ZFR: variants seen among roughly 807,000 people sequenced by gnomAD.
The protein encoded by ZFR is zinc finger RNA binding protein.
ZFR carries 19 observed loss-of-function variants against 130.7 expected under a neutral mutation model. That is an observed-to-expected ratio of 0.15 (90% CI 0.10 to 0.21). The LOEUF (loss-of-function observed/expected upper bound fraction) is 0.21. Ranked by LOEUF, ZFR falls within the 10% of genes least tolerant of loss-of-function variation. The pLI is 1.00. For missense variants in ZFR, 872 were observed against 1,321.5 expected (o/e 0.66, Z 5.27); for synonymous variants, 466 against 456.9 (o/e 1.02, Z -0.25).
At chr5:32,365,066 T>C (rs753211957) in intron 17 of ZFR, 5 of 152,210 alleles carry the variant, frequency 3.3e-5, no homozygotes, top group Non-Finnish European at 7.3e-5. Context: ...TTGCCTACTA[T>C]GGACGTTTTA....
intron 3 of ZFR, among the ~76,000 whole-genome samples, chr5:32,418,095 C>T (rs914544406): frequency 1.3e-5 from 2 of 151,916 alleles, no homozygotes; most frequent in Non-Finnish European, 2.9e-5. Flanking sequence ...CCCGTCTCTA[C>T]TAAAAATACA....
chr5:32,413,417 C>A (rs1197794923), intron 5 of ZFR, among the ~76,000 whole-genome samples: 1 of 152,054 alleles, frequency 6.6e-6, no homozygotes, highest in African/African-American at 2.4e-5. Context: ...GAAAAGTAGA[C>A]AGAGACGTGC....
intron 17 of ZFR, among the ~76,000 whole-genome samples, chr5:32,367,398 G>T (rs1269788933): frequency 6.6e-6 from 1 of 151,942 alleles, no homozygotes; most frequent in African/African-American, 2.4e-5. Flanking sequence ...TCACGCCACT[G>T]CACTCCAGCC....
Position 32,364,010 on chromosome 5 carries a change from G to C in ZFR, c.2983C>G (p.Pro995Ala). ...PGLLDPCEKD[P>A]FDTLATMTDQ... Reference sequence around the variant, plus strand: ...GTCATTGTTGCCAAGGTATCAAAGGGATCCTTTTCACAAGGATCCAGAAGT... The same window carrying C: ...GTCATTGTTGCCAAGGTATCAAAGGCATCCTTTTCACAAGGATCCAGAAGT... The change falls in exon 19 of 20, where the codon CCC (proline) becomes GCC (alanine). Residue 995 changes from proline to alanine, a missense_variant. Around this residue, in one of 7 missense-constraint regions of ZFR, gnomAD observed 158 missense variants for 264.0 expected, o/e 0.60. Transcript: ENST00000265069. 6.2e-7 allele frequency: 1 copy of C among 1,614,050 alleles called. No individual in the cohort carries two copies.
chr5:32,420,221 G>A (rs1581709519), intron 2 of ZFR, 118 bp from the exon 3 acceptor site: 22 of 1,201,772 alleles, frequency 1.8e-5, no homozygotes, highest in Admixed American at 6.5e-5. Flanking sequence ...ATTTAATGAC[G>A]GACCACAAAA....
chr5:32,434,215 A>G (rs1754283654), intron 2 of ZFR, among the ~76,000 whole-genome samples: 1 of 152,246 alleles, frequency 6.6e-6, no homozygotes, highest in Non-Finnish European at 1.5e-5. Flanking sequence ...TTCCTTTTTA[A>G]TCCTTAGAAA....
Position 32,419,925 on chromosome 5 carries a change from AAGC to A in ZFR, c.313_315del (p.Ala105del), listed in dbSNP as rs746652041. 5.0e-6 allele frequency: 8 copies of A among 1,613,924 alleles called. No homozygotes were observed. Among genetic ancestry groups the A allele is most frequent in the Middle Eastern group, 1.7e-4 (1 of 6,026 alleles). ...GTGTGTGCAGTGGGGTAGCCTCCAT[AAGC>A]AGCAGCTGTTGCAGCAGCTGCAACA... On this transcript the variant is annotated inframe_deletion, in exon 3 of 20. Transcript: ENST00000265069.
intron 17 of ZFR, among the ~76,000 whole-genome samples, chr5:32,371,011 T>C (rs1283009863): frequency 2.6e-5 from 4 of 152,202 alleles, no homozygotes; most frequent in Non-Finnish European, 5.9e-5. Context: ...GAAAAAAAGT[T>C]ACTCCTGTTT....
chr5:32,395,365 T>C, intron 10 of ZFR, 61 bp from the exon 11 acceptor site: 1 of 1,302,428 alleles, frequency 7.7e-7, no homozygotes, highest in Non-Finnish European at 1.0e-6. Context: ...CATGTATTTT[T>C]AATCATACAA....
Position 32,378,441 on chromosome 5 carries a change from C to T in ZFR, c.2835+674G>A, listed in dbSNP as rs1460397091. ...AAAAAAAAGAACTAAGGTAATCTTG[C>T]CTATTAACTCTCATTAATTAAACTC... On this transcript the variant is annotated intron_variant, in intron 17 of 19. Transcript: ENST00000265069. Among the ~76,000 whole-genome samples the T allele has an allele frequency of 2.6e-5, 4 of 152,148 alleles. No individual in the cohort carries two copies. In the East Asian group the frequency reaches 7.7e-4, roughly 29 times the overall value.
chr5:32,390,245 A>G, intron 12 of ZFR, 30 bp downstream of exon 12: 1 of 1,592,968 alleles, frequency 6.3e-7, no homozygotes, highest in Non-Finnish European at 8.6e-7. Context: ...TCAAACTTTC[A>G]CCCCTTGTAT....
chr5:32,379,979 G>T, intron 16 of ZFR, 96 bp downstream of exon 16: 1 of 940,384 alleles, frequency 1.1e-6, no homozygotes, highest in Non-Finnish European at 1.6e-6. Context: ...GTATTGCTTG[G>T]GCAGTCTTTT....
chr5:32,381,430 T>C (rs1752935087), intron 15 of ZFR, among the ~76,000 whole-genome samples: 1 of 152,092 alleles, frequency 6.6e-6, no homozygotes, highest in Non-Finnish European at 1.5e-5. Flanking sequence ...ATTTTCTCAA[T>C]ATAGAAAAAT....
In ZFR at chr5:32,436,397, C is replaced by T. The variant is rs571406196; in HGVS notation, c.137+7832G>A. Among the ~76,000 whole-genome samples the T allele has an allele frequency of 2.6e-5, 4 of 151,956 alleles. No individual in the cohort carries two copies. In the East Asian group the frequency reaches 5.8e-4, roughly 22 times the overall value. ...CGATCTCCTGACCTTGTGATCTGCC[C>T]GCCTCAGCCTCCCAAAGTGCTGGTA... On this transcript the variant is annotated intron_variant, in intron 2 of 19. Coordinates refer to ENST00000265069, the MANE Select transcript of ZFR (RefSeq NM_016107.5).
chr5:32,411,714 G>GGGGGGGGGGA (rs138920140), intron 5 of ZFR, among the ~76,000 whole-genome samples: 1 of 54,612 alleles, frequency 1.8e-5, no homozygotes, highest in Non-Finnish European at 3.3e-5. Flanking sequence ...AATTGAGGGG[G>GGGGGGGGGGA]GGCGGGGAAT....
intron 5 of ZFR, among the ~76,000 whole-genome samples, chr5:32,407,597 G>A (rs1204753634): frequency 2.0e-5 from 3 of 152,052 alleles, no homozygotes; most frequent in African/African-American, 7.2e-5. Flanking sequence ...CTAGTCTGGG[G>A]AGGCAAGGTA....
chr5:32,431,969 G>A (rs1040198921), intron 2 of ZFR, among the ~76,000 whole-genome samples: 1 of 151,300 alleles, frequency 6.6e-6, no homozygotes, highest in African/African-American at 2.4e-5. Flanking sequence ...CTGAGACTAC[G>A]CATGTGTGCC....
intron 5 of ZFR, among the ~76,000 whole-genome samples, chr5:32,414,593 A>C (rs1753778342): frequency 6.6e-6 from 1 of 152,180 alleles, no homozygotes; most frequent in Non-Finnish European, 1.5e-5. Context: ...AGCCAAAATA[A>C]ACAGAAATAA....
At chr5:32,409,327 C>A (rs1343693790) in intron 5 of ZFR, among the ~76,000 whole-genome samples, 1 of 152,124 alleles carries the variant, frequency 6.6e-6, no homozygotes, top group East Asian at 1.9e-4. Flanking sequence ...TAAATTATCT[C>A]TGGATTACTT....
Sources: gnomAD v4.1 joint callset for allele counts (sites outside exome capture counted in the v4.1 genomes callset) on GRCh38, gnomAD v4.1.1 for gene constraint, gnomAD v4.1.1 regional missense constraint, MANE v1.5 for transcripts, NCBI Gene and HGNC (gene_info 2026-07-23, HGNC 2026-07-21) for gene names.